The following IFNAR1 variants were observed in gnomAD, a reference collection of about 807,000 sequenced individuals.
IFNAR1 encodes the protein interferon alpha/beta receptor 1.
A neutral mutation model predicts 62.1 loss-of-function variants in IFNAR1; 47 were observed. The observed-to-expected ratio is 0.76, with a 90% CI of 0.60 to 0.97. The LOEUF (loss-of-function observed/expected upper bound fraction) is 0.97. IFNAR1 is among the 50% of genes least tolerant of loss of function. The pLI is 0.00. For missense variants in IFNAR1, 638 were observed against 654.5 expected, an observed-to-expected ratio of 0.97 and a Z score of 0.27; for synonymous variants, 219 against 226.9, an observed-to-expected ratio of 0.97 and a Z score of 0.31.
rs555927601 is a variant in IFNAR1, at chr21:33,355,462, C to G, written c.1587C>G (p.Ser529=). 8 of 1,607,372 alleles carry G rather than the reference C, an allele frequency of 5.0e-6. No individual in the cohort carries two copies. The highest frequency in any genetic ancestry group is 1.3e-5 in the African/African-American group (1 of 74,566). Residue 529 remains serine (S), a synonymous_variant, in exon 11 of 11, where the codon TCC becomes TCG. Transcript: ENST00000270139. ...ATGAAGATCATAAAAAATACAGTTCCCAAACTAGCCAAGATTCAGGAAATT... is the reference window on the plus strand; with the variant it reads ...ATGAAGATCATAAAAAATACAGTTCGCAAACTAGCCAAGATTCAGGAAATT... ...QTDEDHKKYS[S]QTSQDSGNYS...
chr21:33,335,060 G>A, intron 1 of IFNAR1: 1 of 1,117,594 alleles, frequency 8.9e-7, no homozygotes, highest in Admixed American at 1.7e-5. Context: ...GTACTGCAGG[G>A]AGGAAGCCAG....
In IFNAR1 at chr21:33,357,030, T is replaced by C. The variant is rs541226708; in HGVS notation, c.*1481T>C. The C allele has an allele frequency of 1.4e-4, 22 of 152,284 alleles. No individual in the cohort carries two copies. The East Asian group carries it at 4.2e-3, about 29-fold the overall frequency. 9.4% of individuals were successfully genotyped at this position (152,284 alleles called of 1,614,324 possible). ...TGTAACTAGGAAGAAAAACCCAATTTAAGAAATTACATAATGCTTTCCAAA... is the reference window on the plus strand; with the variant it reads ...TGTAACTAGGAAGAAAAACCCAATTCAAGAAATTACATAATGCTTTCCAAA... On this transcript the variant is annotated 3_prime_UTR_variant, in exon 11 of 11. Transcript: ENST00000270139.
chr21:33,334,674 G>T, intron 1 of IFNAR1: 1 of 813,306 alleles, frequency 1.2e-6, no homozygotes, highest in Non-Finnish European at 2.1e-6. Context: ...AGCCAGTGGG[G>T]CTATTGCCAG....
At chr21:33,345,454 T>C in intron 6 of IFNAR1, 94 bp downstream of exon 6, 1 of 737,928 alleles carries the variant, frequency 1.4e-6, no homozygotes, top group Non-Finnish European at 2.4e-6. Context: ...GCACACAGAA[T>C]GACCGACTGG....
chr21:33,353,858 A>T, intron 10 of IFNAR1, 75 bp downstream of exon 10: 2 of 993,570 alleles, frequency 2.0e-6, no homozygotes, highest in Non-Finnish European at 3.0e-6. Context: ...AACAGGATAT[A>T]TGTAGGTTTT....
At chr21:33,331,645 T>TTGC (rs1313146314) in intron 1 of IFNAR1, among the ~76,000 whole-genome samples, 1 of 152,144 alleles carries the variant, frequency 6.6e-6, no homozygotes, top group Non-Finnish European at 1.5e-5. Context: ...TTTGTAGTAC[T>TTGC]TGCTGCTGCT....
chr21:33,348,972 G>A, intron 6 of IFNAR1, 119 bp from the exon 7 acceptor site: 1 of 631,480 alleles, frequency 1.6e-6, no homozygotes, highest in Non-Finnish European at 2.8e-6. Context: ...TCCATTGTTT[G>A]TGAGTTTCCT....
chr21:33,335,503 T>A, intron 1 of IFNAR1, 21 bp from the exon 2 acceptor site: 1 of 1,470,670 alleles, frequency 6.8e-7, no homozygotes. Context: ...ATAATGTTCT[T>A]ATTTCTTGTT....
At chr21:33,339,254 C>G (rs1308394101) in intron 2 of IFNAR1, among the ~76,000 whole-genome samples, 1 of 152,064 alleles carries the variant, frequency 6.6e-6, no homozygotes, top group African/African-American at 2.4e-5. Context: ...GAAATAGATT[C>G]TGATGTGGAA....
rs1463664408 is a variant in IFNAR1, at chr21:33,358,451, TTTATA to T, written c.*2906_*2910del. The T allele has an allele frequency of 2.6e-5, 4 of 152,068 alleles. 1 individual carries two copies. Among genetic ancestry groups the T allele is most frequent in the African/African-American group, 7.2e-5 (3 of 41,520 alleles). The allele number at this position is 152,068 out of a possible 1,614,324, so 9.4% of individuals were successfully genotyped here. On this transcript the variant is annotated 3_prime_UTR_variant, in exon 11 of 11. Transcript: ENST00000270139. ...TTGTATCATTAGAGCCAGAAATAAT[TTTATA>T]TTAATATATAATACAGATTAACATT...
chr21:33,343,994 A>G (rs2083319778), intron 5 of IFNAR1, among the ~76,000 whole-genome samples: 1 of 152,134 alleles, frequency 6.6e-6, no homozygotes, highest in Admixed American at 6.5e-5. Flanking sequence ...CGTGTCTACT[A>G]AAAATAATTA....
chr21:33,328,975 G>A (rs1473011832), intron 1 of IFNAR1, among the ~76,000 whole-genome samples: 4 of 151,890 alleles, frequency 2.6e-5, no homozygotes, highest in Admixed American at 1.3e-4. Context: ...TTATTAAAAG[G>A]AGATTGCCAA....
At chr21:33,338,905 G>A (rs1045670033) in intron 2 of IFNAR1, among the ~76,000 whole-genome samples, 8 of 151,722 alleles carry the variant, frequency 5.3e-5, no homozygotes, top group African/African-American at 9.7e-5. Context: ...CCCACGCCCG[G>A]CTAATTTTGT....
rs1438756306 is a variant in IFNAR1, at chr21:33,355,561, C to G, written c.*12C>G. On this transcript the variant is annotated 3_prime_UTR_variant, in exon 11 of 11. Coordinates refer to ENST00000270139, the MANE Select transcript of IFNAR1 (RefSeq NM_000629.3). ...AGGACTTTGTATGACCAGAAATGAA[C>G]TGTGTCAAGTATAAGGTTTTTCAGC... 6.9e-7 allele frequency: 1 copy of G among 1,453,084 alleles called. No homozygotes were observed. Among genetic ancestry groups the G allele is most frequent in the Non-Finnish European group, 9.4e-7 (1 of 1,058,404 alleles). The allele number at this position is 1,453,084 out of a possible 1,614,324, so 90.0% of individuals were successfully genotyped here.
intron 6 of IFNAR1, among the ~76,000 whole-genome samples, chr21:33,346,921 A>G (rs2083354039): frequency 6.6e-6 from 1 of 152,156 alleles, no homozygotes; most frequent in Non-Finnish European, 1.5e-5. Flanking sequence ...AGCAACTTAA[A>G]CAGCTGTTTA....
chr21:33,325,656 C>T (rs1390480647), intron 1 of IFNAR1, among the ~76,000 whole-genome samples: 1 of 152,074 alleles, frequency 6.6e-6, no homozygotes, highest in Non-Finnish European at 1.5e-5. Flanking sequence ...AGGGCGCATC[C>T]GGGAAAAACG....
chr21:33,349,491 A>G lies in IFNAR1; in HGVS notation c.1091A>G (p.Asp364Gly). ...TCTGGAAACACGCCTGTGATCCAGG[A>G]TTATCCACTGATTTATGAAATTATT... ...KQSGNTPVIQDYPLIYEIIFW... is the reference protein window; with the variant it reads ...KQSGNTPVIQGYPLIYEIIFW... Residue 364 changes from aspartate to glycine, a missense_variant, in exon 8 of 11, where the codon GAT becomes GGT. Coordinates refer to ENST00000270139, the MANE Select transcript of IFNAR1 (RefSeq NM_000629.3). 6.2e-7 allele frequency: 1 copy of G among 1,612,080 alleles called. No homozygotes were observed. Among genetic ancestry groups the G allele is most frequent in the Non-Finnish European group, 8.5e-7 (1 of 1,178,312 alleles).
At chr21:33,327,107 T>C (rs993841984) in intron 1 of IFNAR1, among the ~76,000 whole-genome samples, 8 of 152,200 alleles carry the variant, frequency 5.3e-5, no homozygotes, top group African/African-American at 1.9e-4. Context: ...ATATGTAGTA[T>C]ACTTTTCCTA....
chr21:33,334,249 C>T, intron 1 of IFNAR1, among the ~76,000 whole-genome samples: 1 of 152,078 alleles, frequency 6.6e-6, no homozygotes, highest in East Asian at 1.9e-4. Flanking sequence ...TTCAGCACCC[C>T]ACTCTCAGCT....
Sources: gnomAD v4.1 joint callset for allele counts (sites outside exome capture counted in the v4.1 genomes callset) on GRCh38, gnomAD v4.1.1 for gene constraint, MANE v1.5 for transcripts, NCBI Gene and HGNC (gene_info 2026-07-23, HGNC 2026-07-21) for gene names.